RABGAP1L: variants seen among roughly 807,000 people sequenced by gnomAD.
RABGAP1L encodes RAB GTPase activating protein 1 like, also known as rab GTPase-activating protein 1-like.
Under a neutral mutation model 137.7 loss-of-function variants are expected in RABGAP1L, and 63 were observed. That is an observed-to-expected ratio of 0.46 (90% CI 0.37 to 0.56). The LOEUF is 0.56. Among genes scored for constraint, RABGAP1L ranks in the 20% least tolerant of loss-of-function variants. The probability of loss-of-function intolerance (pLI) is 0.00; values close to 1 mark genes in which losing one functional copy is unlikely to be tolerated. For missense variants in RABGAP1L, 1,095 were observed against 1,244.0 expected, an observed-to-expected ratio of 0.88 and a Z score of 1.80; for synonymous variants, 431 against 433.7, an observed-to-expected ratio of 0.99 and a Z score of 0.08.
intron 19 of RABGAP1L, among the ~76,000 whole-genome samples, chr1:174,946,930 ATATATATATATGTGTGTG>A (rs1351966721): frequency 2.7e-5 from 2 of 73,434 alleles, no homozygotes; most frequent in African/African-American, 5.7e-5. Context: ...ATATATATAT[ATATATATATATGTGTGTG>A]TGTGTGTGTG....
chr1:174,249,958 A>G (rs1235262038), intron 5 of RABGAP1L, among the ~76,000 whole-genome samples: 2 of 152,070 alleles, frequency 1.3e-5, no homozygotes, highest in Admixed American at 1.3e-4. Flanking sequence ...GCCCTTCTTC[A>G]TTCTTAAGAT....
intron 13 of RABGAP1L, among the ~76,000 whole-genome samples, chr1:174,442,175 G>A (rs1267014297): frequency 6.6e-6 from 1 of 151,938 alleles, no homozygotes; most frequent in African/African-American, 2.4e-5. Context: ...TACAAGGAAT[G>A]TGGGACCTAT....
At position 174,200,295 on chromosome 1, in the gene RABGAP1L, A is replaced by G. The variant is rs1209497337; in HGVS notation, c.-33-18830A>G. On this transcript the variant is annotated intron_variant, in intron 1 of 25. Transcript: ENST00000681986. Reference sequence around the variant, plus strand: ...TGTTCCTAAAATGTGAAACACATATATCTTACTCTTTGGCAAATTAACAAA... The same window carrying G: ...TGTTCCTAAAATGTGAAACACATATGTCTTACTCTTTGGCAAATTAACAAA... Among the ~76,000 whole-genome samples the G allele has an allele frequency of 2.0e-5, 3 of 152,366 alleles. No individual in the cohort carries two copies. In the East Asian group the frequency reaches 5.8e-4, roughly 29 times the overall value.
chr1:174,971,666 T>C (rs1185724870), intron 21 of RABGAP1L, among the ~76,000 whole-genome samples: 1 of 152,214 alleles, frequency 6.6e-6, no homozygotes, highest in Non-Finnish European at 1.5e-5. Flanking sequence ...CTCATTGGGG[T>C]TTATTTGCTT....
chr1:174,261,172 A>G (rs567125057), intron 7 of RABGAP1L, among the ~76,000 whole-genome samples: 1 of 152,242 alleles, frequency 6.6e-6, no homozygotes, highest in East Asian at 1.9e-4. Context: ...AGCAGAATAT[A>G]ATGATTAGAG....
chr1:174,195,605 CTTTCTTTCTTT>C (rs1667526794), intron 1 of RABGAP1L, among the ~76,000 whole-genome samples: 11 of 77,604 alleles, frequency 1.4e-4, no homozygotes, highest in Middle Eastern at 6.0e-3. Flanking sequence ...TTCTTTCTTT[CTTTCTTTCTTT>C]CTTCCTTCCT....
chr1:174,408,256 C>T (rs1649506181), intron 13 of RABGAP1L, among the ~76,000 whole-genome samples: 4 of 152,056 alleles, frequency 2.6e-5, no homozygotes, highest in African/African-American at 9.7e-5. Flanking sequence ...CTGTTGTTGC[C>T]ATCTTTATGT....
At chr1:174,496,724 C>T in intron 13 of RABGAP1L, among the ~76,000 whole-genome samples, 1 of 152,186 alleles carries the variant, frequency 6.6e-6, no homozygotes, top group Non-Finnish European at 1.5e-5. Context: ...TGAAACAACT[C>T]AGCTTCCTCC....
Position 174,279,341 on chromosome 1 carries a change from G to A in RABGAP1L, c.1323+562G>A, listed in dbSNP as rs548271032. 7.5e-4 allele frequency among the ~76,000 whole-genome samples: 114 copies of A among 152,226 alleles called. 1 individual carries two copies. The highest frequency in any genetic ancestry group is 1.4e-3 in the Non-Finnish European group (97 of 67,966). ...ATGTAACTTTTGTATTATAGCAAAGGAAGCAGATAATAATGAAAAATAACT... is the reference window on the plus strand; with the variant it reads ...ATGTAACTTTTGTATTATAGCAAAGAAAGCAGATAATAATGAAAAATAACT... On this transcript the variant is annotated intron_variant, in intron 10 of 25. Coordinates refer to ENST00000681986, the MANE Select transcript of RABGAP1L (RefSeq NM_001366446.1).
chr1:174,522,031 A>G (rs1350045780), intron 13 of RABGAP1L, among the ~76,000 whole-genome samples: 1 of 152,038 alleles, frequency 6.6e-6, no homozygotes, highest in Non-Finnish European at 1.5e-5. Flanking sequence ...GTTAGCTGAG[A>G]TGGTGCCACT....
rs376674585 is a variant in RABGAP1L, at chr1:174,908,378, C to T, written c.2341-49079C>T. ...CTTCATCAGCACATGGAATATTCCC[C>T]AGAATAGACCATATCTTAGACCACA... On this transcript the variant is annotated intron_variant, in intron 19 of 25. Coordinates refer to ENST00000681986, the MANE Select transcript of RABGAP1L (RefSeq NM_001366446.1). Among the ~76,000 whole-genome samples the T allele has an allele frequency of 1.5e-4, 23 of 152,196 alleles. 1 individual carries two copies. The highest frequency in any genetic ancestry group is 5.1e-4 in the African/African-American group (21 of 41,526).
intron 14 of RABGAP1L, among the ~76,000 whole-genome samples, chr1:174,639,765 A>C (rs1353583783): frequency 2.0e-5 from 3 of 152,202 alleles, no homozygotes; most frequent in African/African-American, 7.2e-5. Flanking sequence ...TACCAAACAC[A>C]AAAATAAAAG....
intron 10 of RABGAP1L, among the ~76,000 whole-genome samples, chr1:174,286,210 C>T (rs1318817367): frequency 1.3e-5 from 2 of 152,124 alleles, no homozygotes; most frequent in Non-Finnish European, 2.9e-5. Flanking sequence ...CTTTGCTTTG[C>T]TGGGAGACTT....
At chr1:174,581,353 G>A (rs148309642) in intron 13 of RABGAP1L, among the ~76,000 whole-genome samples, 8 of 152,182 alleles carry the variant, frequency 5.3e-5, no homozygotes, top group Non-Finnish European at 8.8e-5. Context: ...ATATTACTGA[G>A]CAGTAAAAAG....
intron 13 of RABGAP1L, among the ~76,000 whole-genome samples, chr1:174,536,958 AG>A (rs1205974434): frequency 6.6e-6 from 1 of 152,190 alleles, no homozygotes; most frequent in Non-Finnish European, 1.5e-5. Flanking sequence ...TGTAAAACCA[AG>A]GAAATTTTGA....
intron 18 of RABGAP1L, among the ~76,000 whole-genome samples, chr1:174,766,113 A>C (rs1685649825): frequency 6.6e-6 from 1 of 152,188 alleles, no homozygotes; most frequent in Non-Finnish European, 1.5e-5. Context: ...TATGGAGAGA[A>C]GATCATGCAA....
intron 19 of RABGAP1L, among the ~76,000 whole-genome samples, chr1:174,927,436 C>G (rs965903804): frequency 6.6e-6 from 1 of 152,144 alleles, no homozygotes; most frequent in Admixed American, 6.5e-5. Context: ...CGCTGCATTG[C>G]CCAGGCTGGT....
intron 1 of RABGAP1L, among the ~76,000 whole-genome samples, chr1:174,184,251 G>A (rs1351104895): frequency 2.0e-5 from 3 of 152,172 alleles, no homozygotes; most frequent in Non-Finnish European, 4.4e-5. Flanking sequence ...GCATGGAATA[G>A]TATTACATTT....
intron 13 of RABGAP1L, among the ~76,000 whole-genome samples, chr1:174,634,727 T>C (rs1474266541): frequency 1.4e-5 from 2 of 139,672 alleles, no homozygotes; most frequent in Non-Finnish European, 3.0e-5. Context: ...GTTCATGTCC[T>C]TTGTAGGGAC....
Sources: gnomAD v4.1 joint callset for allele counts (sites outside exome capture counted in the v4.1 genomes callset) on GRCh38, gnomAD v4.1.1 for gene constraint, MANE v1.5 for transcripts, NCBI Gene and HGNC (gene_info 2026-07-23, HGNC 2026-07-21) for gene names.